AKAP19: variants seen among roughly 807,000 people sequenced by gnomAD.
The protein encoded by AKAP19 is A-kinase anchoring protein 19, also known as small A-kinase anchoring protein.
chr2:190,131,926 C>A, the AKAP19 span, among the ~76,000 whole-genome samples: 1 of 151,774 alleles, frequency 6.6e-6, no homozygotes, highest in South Asian at 2.1e-4. Flanking sequence ...ATATAGAAAA[C>A]CTTAAAGACT....
chr2:190,139,263 T>C, the AKAP19 span, among the ~76,000 whole-genome samples: 1 of 151,990 alleles, frequency 6.6e-6, no homozygotes, highest in East Asian at 1.9e-4. Context: ...GAAGGATAAG[T>C]AGGATTTAGG....
chr2:189,961,930 C>T, the AKAP19 span, among the ~76,000 whole-genome samples: 13 of 151,264 alleles, frequency 8.6e-5, no homozygotes, highest in Non-Finnish European at 1.6e-4. Context: ...AAAAAAGTAT[C>T]AGACTCACCG....
At chr2:190,087,870 C>T in the AKAP19 span, among the ~76,000 whole-genome samples, 1 of 152,194 alleles carries the variant, frequency 6.6e-6, no homozygotes, top group South Asian at 2.1e-4. Context: ...AAGCCCTCTT[C>T]TCCCTTCCTT....
At chr2:189,925,513 A>C in the AKAP19 span, among the ~76,000 whole-genome samples, 1 of 152,144 alleles carries the variant, frequency 6.6e-6, no homozygotes, top group Non-Finnish European at 1.5e-5. Context: ...GGGGCTAGAG[A>C]TAATAAGTTT....
chr2:190,040,965 C>T, the AKAP19 span, among the ~76,000 whole-genome samples: 1 of 152,072 alleles, frequency 6.6e-6, no homozygotes, highest in Non-Finnish European at 1.5e-5. Context: ...GTGATGCCTC[C>T]CATTTTGTTC....
the AKAP19 span, among the ~76,000 whole-genome samples, chr2:189,937,895 A>G: frequency 6.6e-6 from 1 of 152,218 alleles, no homozygotes; most frequent in Non-Finnish European, 1.5e-5. Flanking sequence ...TGACTCAGCA[A>G]TTCCACTGCT....
chr2:190,078,478 A>G, the AKAP19 span, among the ~76,000 whole-genome samples: 1 of 152,184 alleles, frequency 6.6e-6, no homozygotes, highest in Non-Finnish European at 1.5e-5. Context: ...CTTTCTTCTT[A>G]CCTTTAGCCC....
chr2:190,049,979 G>A, the AKAP19 span, among the ~76,000 whole-genome samples: 2 of 152,138 alleles, frequency 1.3e-5, no homozygotes, highest in Non-Finnish European at 2.9e-5. Context: ...CATTTTGGGG[G>A]GAGGATAAAA....
At chr2:189,932,873 C>T in the AKAP19 span, among the ~76,000 whole-genome samples, 2 of 152,052 alleles carry the variant, frequency 1.3e-5, no homozygotes, top group East Asian at 3.9e-4. Context: ...TTAAAAGCCA[C>T]ATGGAATATG....
chr2:190,053,088 G>A, the AKAP19 span, among the ~76,000 whole-genome samples: 3 of 152,124 alleles, frequency 2.0e-5, no homozygotes, highest in Non-Finnish European at 4.4e-5. Flanking sequence ...TAATCCAAAA[G>A]TGGAATCAAT....
chr2:190,084,090 G>GTTT, the AKAP19 span, among the ~76,000 whole-genome samples: 1,273 of 132,042 alleles, frequency 9.6e-3, 57 homozygotes, highest in Non-Finnish European at 0.014. Context: ...TAGAGCTCAG[G>GTTT]TTTTTTTTTT....
the AKAP19 span, among the ~76,000 whole-genome samples, chr2:190,187,408 A>ATTT: frequency 8.0e-6 from 1 of 125,456 alleles, no homozygotes; most frequent in African/African-American, 3.6e-5. Context: ...TTTAGAAGTT[A>ATTT]CTTTTTTTTT....
chr2:190,180,330 C>A, the AKAP19 span: 1 of 417,514 alleles, frequency 2.4e-6, no homozygotes. The surrounding 1 kb of genome is among the most constrained non-coding windows in gnomAD (Gnocchi z 6.8). Flanking sequence ...CTCAGTGCCC[C>A]GGCCCAGCAC....
At chr2:190,115,968 G>A in the AKAP19 span, among the ~76,000 whole-genome samples, 1 of 152,186 alleles carries the variant, frequency 6.6e-6, no homozygotes, top group African/African-American at 2.4e-5. Flanking sequence ...ATATGCATGT[G>A]TATGTGTACG....
chr2:189,984,861 G>A, the AKAP19 span, among the ~76,000 whole-genome samples: 7 of 152,088 alleles, frequency 4.6e-5, no homozygotes, highest in East Asian at 3.9e-4. Flanking sequence ...CTAGTGGTGC[G>A]ATGACGCAAA....
chr2:190,020,698 C>A, the AKAP19 span, among the ~76,000 whole-genome samples: 1 of 152,146 alleles, frequency 6.6e-6, no homozygotes, highest in Non-Finnish European at 1.5e-5. Flanking sequence ...ATCTCCAGAA[C>A]TTTTTCATCT....
chr2:189,906,565 T>G, the AKAP19 span, among the ~76,000 whole-genome samples: 1 of 152,116 alleles, frequency 6.6e-6, no homozygotes, highest in Admixed American at 6.6e-5. Flanking sequence ...TCTCTAGAAT[T>G]TACACTCAAA....
chr2:190,169,063 T>C, the AKAP19 span, among the ~76,000 whole-genome samples: 1 of 152,110 alleles, frequency 6.6e-6, no homozygotes, highest in Non-Finnish European at 1.5e-5. Flanking sequence ...ATTGGGTAAT[T>C]TACAAAAGGA....
At chr2:189,918,079 C>T in the AKAP19 span, among the ~76,000 whole-genome samples, 1 of 151,712 alleles carries the variant, frequency 6.6e-6, no homozygotes, top group Admixed American at 6.6e-5. Flanking sequence ...ACCTTACCTC[C>T]CTTTATGTTT....
Sources: gnomAD v4.1 joint callset for allele counts (sites outside exome capture counted in the v4.1 genomes callset) on GRCh38, gnomAD v4.1.1 for gene constraint, Gnocchi (gnomAD v3.1) non-coding constraint, MANE v1.5 for transcripts, NCBI Gene and HGNC (gene_info 2026-07-23, HGNC 2026-07-21) for gene names.